Variants in KCNIP4 observed in about 807,000 individuals in gnomAD.
The protein encoded by KCNIP4 is Kv channel-interacting protein 4.
KCNIP4 carries 12 observed loss-of-function variants against 34.0 expected under a neutral mutation model. That is an observed-to-expected ratio of 0.35 (90% CI 0.23 to 0.57). The LOEUF is 0.57. KCNIP4 is among the 20% of genes least tolerant of loss of function. KCNIP4 has a pLI of 0.83. For synonymous variants in KCNIP4, 124 were observed against 102.2 expected (o/e 1.21, Z -1.29); for missense variants, 238 against 311.7 (o/e 0.76, Z 1.78).
At chr4:20,784,082 C>T (rs1711592699) in intron 3 of KCNIP4, among the ~76,000 whole-genome samples, 1 of 152,142 alleles carries the variant, frequency 6.6e-6, no homozygotes, top group Admixed American at 6.6e-5. Context: ...CACATTCAAA[C>T]ACTAGTGTCC....
At chr4:21,876,722 G>A (rs984121547) in intron 1 of KCNIP4, among the ~76,000 whole-genome samples, 4 of 152,178 alleles carry the variant, frequency 2.6e-5, no homozygotes, top group Admixed American at 2.6e-4. Context: ...ACAGGATGAA[G>A]TGTTTTTTAA....
chr4:21,043,900 T>C (rs1000119231), intron 1 of KCNIP4, among the ~76,000 whole-genome samples: 26 of 152,168 alleles, frequency 1.7e-4, no homozygotes, highest in African/African-American at 6.3e-4. Context: ...AGCTACTGTA[T>C]GTCACCATGG....
intron 1 of KCNIP4, among the ~76,000 whole-genome samples, chr4:21,527,296 T>C (rs1736047946): frequency 6.6e-6 from 1 of 152,170 alleles, no homozygotes; most frequent in Non-Finnish European, 1.5e-5. Flanking sequence ...TTCTACTCAT[T>C]CCCTTACCTT....
At chr4:21,152,884 T>G (rs1752860593) in intron 1 of KCNIP4, among the ~76,000 whole-genome samples, 2 of 152,170 alleles carry the variant, frequency 1.3e-5, no homozygotes, top group East Asian at 1.9e-4. Context: ...CAGTTTCCTC[T>G]CGAAACAATC....
intron 1 of KCNIP4, among the ~76,000 whole-genome samples, chr4:21,129,201 T>C (rs1750869384): frequency 1.3e-5 from 2 of 152,214 alleles, no homozygotes; most frequent in South Asian, 4.1e-4. Flanking sequence ...GATGTCACTT[T>C]GCTCCTCCTT....
intron 1 of KCNIP4, among the ~76,000 whole-genome samples, chr4:21,583,195 T>C (rs1741366119): frequency 6.6e-6 from 1 of 151,972 alleles, no homozygotes; most frequent in South Asian, 2.1e-4. Flanking sequence ...TTATGAACAA[T>C]TTGTAAGTGC....
chr4:21,222,237 G>A (rs1475253560), intron 1 of KCNIP4, among the ~76,000 whole-genome samples: 1 of 152,156 alleles, frequency 6.6e-6, no homozygotes, highest in Non-Finnish European at 1.5e-5. Flanking sequence ...ATTTTAGAGT[G>A]TTGATCTCGC....
chr4:21,182,223 C>T (rs967427812), intron 1 of KCNIP4, among the ~76,000 whole-genome samples: 1 of 152,036 alleles, frequency 6.6e-6, no homozygotes, highest in Admixed American at 6.6e-5. Context: ...AATAGTGAAG[C>T]TATGAATTGG....
At chr4:21,080,938 A>G (rs189116689) in intron 1 of KCNIP4, among the ~76,000 whole-genome samples, 7 of 152,028 alleles carry the variant, frequency 4.6e-5, no homozygotes, top group Non-Finnish European at 4.4e-5. Context: ...CATGAAGTCT[A>G]TAGAAAATAT....
intron 1 of KCNIP4, among the ~76,000 whole-genome samples, chr4:21,177,385 A>T (rs1042179022): frequency 1.3e-5 from 2 of 152,162 alleles, no homozygotes; most frequent in African/African-American, 4.8e-5. Flanking sequence ...AGGAGATGAG[A>T]TTCACAGAAG....
chr4:21,193,694 C>G (rs866405043), intron 1 of KCNIP4, among the ~76,000 whole-genome samples: 2 of 151,206 alleles, frequency 1.3e-5, no homozygotes, highest in African/African-American at 2.4e-5. Flanking sequence ...GCCTCAGCCT[C>G]CCGAGTAGCC....
At chr4:21,343,747 C>T (rs1373458753) in intron 1 of KCNIP4, among the ~76,000 whole-genome samples, 1 of 152,032 alleles carries the variant, frequency 6.6e-6, no homozygotes, top group East Asian at 1.9e-4. Flanking sequence ...TTTTAAAGGT[C>T]CCCTGTAGAT....
intron 1 of KCNIP4, among the ~76,000 whole-genome samples, chr4:21,571,164 T>A (rs1394298909): frequency 1.3e-5 from 2 of 152,148 alleles, no homozygotes; most frequent in African/African-American, 2.4e-5. Flanking sequence ...GAGTGTTACT[T>A]CTCCGCCTTC....
chr4:20,974,519 G>C (rs186008646), intron 1 of KCNIP4, among the ~76,000 whole-genome samples: 19 of 152,246 alleles, frequency 1.2e-4, no homozygotes, highest in Admixed American at 1.0e-3. Flanking sequence ...TCAACATCAG[G>C]TGTTCTTGGA....
intron 1 of KCNIP4, among the ~76,000 whole-genome samples, chr4:21,732,912 T>C (rs1715712850): frequency 6.6e-6 from 1 of 152,212 alleles, no homozygotes; most frequent in Admixed American, 6.5e-5. Context: ...ATTTCTGTTC[T>C]ATTTCTATAT....
chr4:21,146,247 A>C (rs1035124236), intron 1 of KCNIP4, among the ~76,000 whole-genome samples: 1 of 152,008 alleles, frequency 6.6e-6, no homozygotes. Context: ...AAATACAAAA[A>C]ATTAGCCAGG....
chr4:21,929,839 A>C (rs1729464182), intron 1 of KCNIP4, among the ~76,000 whole-genome samples: 1 of 152,094 alleles, frequency 6.6e-6, no homozygotes, highest in Non-Finnish European at 1.5e-5. Context: ...CACTTAAGAT[A>C]ATTGGCCAAA....
At chr4:20,847,434 A>G (rs1720510608) in intron 3 of KCNIP4, among the ~76,000 whole-genome samples, 1 of 152,208 alleles carries the variant, frequency 6.6e-6, no homozygotes, top group South Asian at 2.1e-4. Context: ...CTACTAAGTC[A>G]TAATCTTTCA....
At chr4:21,395,865 T>C (rs907065250) in intron 1 of KCNIP4, among the ~76,000 whole-genome samples, 9 of 152,094 alleles carry the variant, frequency 5.9e-5, no homozygotes, top group Non-Finnish European at 1.3e-4. Flanking sequence ...GAATCACTTA[T>C]TTGGTTTAAA....
Sources: allele counts gnomAD v4.1 joint callset (sites outside exome capture counted in the v4.1 genomes callset), GRCh38; gene constraint gnomAD v4.1.1; transcripts MANE v1.5; gene names NCBI Gene and HGNC (gene_info 2026-07-23, HGNC 2026-07-21).